The following HSPG2 variants were observed in gnomAD, a reference collection of about 807,000 sequenced individuals.
HSPG2 encodes the protein basement membrane-specific heparan sulfate proteoglycan core protein.
Under a neutral mutation model 526.6 loss-of-function variants are expected in HSPG2, and 278 were observed. The ratio of observed to expected loss-of-function variants is 0.53; its 90% CI spans 0.48 to 0.58. The LOEUF is 0.58. Among genes scored for constraint, HSPG2 ranks in the 20% least tolerant of loss-of-function variants. The pLI, the probability that HSPG2 is intolerant of heterozygous loss-of-function variation, is 0.00. For synonymous variants in HSPG2, 2,465 were observed against 2,555.4 expected (o/e 0.96, Z 1.07); for missense variants, 5,354 against 6,099.5 (o/e 0.88, Z 4.07).
chr1:21,891,006 G>A (rs1246566042), intron 3 of HSPG2, among the ~76,000 whole-genome samples: 1 of 152,272 alleles, frequency 6.6e-6, no homozygotes, highest in Admixed American at 6.5e-5. Context: ...GTGGCTCCCA[G>A]AGGGAGTTGG....
At chr1:21,930,720 G>A (rs116762220) in intron 1 of HSPG2, among the ~76,000 whole-genome samples, 9 of 151,770 alleles carry the variant, frequency 5.9e-5, no homozygotes, top group Non-Finnish European at 8.8e-5. Context: ...ATTGCAGTGC[G>A]GCGAGATCAT....
At chr1:21,868,654 C>T (rs1026664957) in intron 33 of HSPG2, among the ~76,000 whole-genome samples, 7 of 152,296 alleles carry the variant, frequency 4.6e-5, no homozygotes, top group Middle Eastern at 6.8e-3. Flanking sequence ...CGAGACAGCT[C>T]CTCTGACAGG....
At position 21,873,101 on chromosome 1, in the gene HSPG2, A is replaced by T. The variant is rs1414428251; in HGVS notation, c.3794-10T>A. The stretch of plus-strand genomic sequence containing the variant: ...GGCACCTGGCTGTCTCCTGAGGTGG[A>T]AGAAAGCCATGGCTGGAGCCCCAAA... On this transcript the variant is annotated splice_polypyrimidine_tract_variant and intron_variant, in intron 30 of 96. Coordinates refer to ENST00000374695, the MANE Select transcript of HSPG2 (RefSeq NM_005529.7). 14 of 1,597,474 alleles carry T rather than the reference A, an allele frequency of 8.8e-6. No individual in the cohort carries two copies. Among genetic ancestry groups the T allele is most frequent in the Non-Finnish European group, 1.1e-5 (13 of 1,177,588 alleles).
In HSPG2 at chr1:21,884,609, C is replaced by T; in HGVS notation, c.1573G>A (p.Gly525Ser). 2 of 1,611,128 alleles carry T rather than the reference C, an allele frequency of 1.2e-6. No individual in the cohort carries two copies. The highest frequency in any genetic ancestry group is 1.7e-6 in the Non-Finnish European group (2 of 1,179,794). ...SAACLPCFCF[G>S]ITSVCQSTRR... The stretch of plus-strand genomic sequence containing the variant: ...GTGCTCTGGCACACGCTGGTGATGC[C>T]AAAGCAGAAGCAGGGCAGGCAGGCG... The change falls in exon 13 of 97, where the codon GGC becomes AGC. Residue 525 changes from glycine (G) to serine (S), a missense_variant. Transcript: ENST00000374695.
Position 21,846,535 on chromosome 1 carries a change from G to A in HSPG2, c.8229C>T (p.Thr2743=), listed in dbSNP as rs778825320. 6.2e-7 allele frequency: 1 copy of A among 1,613,778 alleles called. No homozygotes were observed. The highest frequency in any genetic ancestry group is 8.5e-7 in the Non-Finnish European group (1 of 1,180,046). ...CGGGGACCACGCAGTTCAGATCCAG[G>A]GTCTCCCCTTCGGCCACGTGTGAGG... ...SSSSHVAEGE[T]LDLNCVVPGQ... is the part of the protein sequence containing the mutation. The change falls in exon 63 of 97, where the codon ACC becomes ACT. Residue 2743 remains threonine, a synonymous_variant. Coordinates refer to ENST00000374695, the MANE Select transcript of HSPG2 (RefSeq NM_005529.7).
At position 21,898,879 on chromosome 1, in the gene HSPG2, C is replaced by T. The variant is rs1023584137; in HGVS notation, c.64-2569G>A. On this transcript the variant is annotated intron_variant, in intron 1 of 96. Coordinates refer to ENST00000374695, the MANE Select transcript of HSPG2 (RefSeq NM_005529.7). This position sits in a 1 kb window ranked among gnomAD's most constrained non-coding sequence, Gnocchi z 4.0. ...CTGCCGTCTGGAAAGGAAAACCTAG[C>T]GGTGAATGATGAGCAAGGTCCAGAG... 1.3e-5 allele frequency among the ~76,000 whole-genome samples: 2 copies of T among 152,216 alleles called. No individual in the cohort carries two copies. The highest frequency in any genetic ancestry group is 1.5e-5 in the Non-Finnish European group (1 of 68,042).
Position 21,874,959 on chromosome 1 carries a change from C to T in HSPG2, c.3346G>A (p.Gly1116Ser), listed in dbSNP as rs751188209. 3.5e-5 allele frequency: 56 copies of T among 1,610,624 alleles called. No individual in the cohort carries two copies. The highest frequency in any genetic ancestry group is 1.6e-4 in the Middle Eastern group (1 of 6,082). The change falls in exon 26 of 97, where the codon GGC (glycine) becomes AGC (serine). Residue 1116 changes from glycine to serine, a missense_variant. Transcript: ENST00000374695. ...SMDVAVPEET[G>S]QDPALEVEQC... The stretch of plus-strand genomic sequence containing the variant: ...TCCACTTCCAGCGCGGGGTCCTGGC[C>T]GGTTTCCTCGGGCACAGCCACGTCC...
intron 1 of HSPG2, among the ~76,000 whole-genome samples, chr1:21,936,711 G>T (rs1456570105): frequency 6.6e-6 from 1 of 152,246 alleles, no homozygotes; most frequent in Non-Finnish European, 1.5e-5. Flanking sequence ...GATAGACGGT[G>T]TGGTAAAGTT....
At position 21,887,411 on chromosome 1, in the gene HSPG2, G is replaced by A. The variant is rs371807735; in HGVS notation, c.958+9C>T. Reference sequence around the variant, plus strand: ...CCCCGCACCCACCTGCACCCCTGCCGGTGCGCACCACAGTCTAGCTCATCG... The same window carrying A: ...CCCCGCACCCACCTGCACCCCTGCCAGTGCGCACCACAGTCTAGCTCATCG... On this transcript the variant is annotated intron_variant, in intron 8 of 96. Transcript: ENST00000374695. The surrounding 1 kb of genome is among the most constrained non-coding windows in gnomAD (Gnocchi z 5.0). 60 of 1,613,812 alleles carry A rather than the reference G, an allele frequency of 3.7e-5. No individual in the cohort carries two copies. The highest frequency in any genetic ancestry group is 1.7e-4 in the Middle Eastern group (1 of 6,054).
chr1:21,877,991 C>T (rs1283350659), intron 21 of HSPG2, among the ~76,000 whole-genome samples, 195 bp downstream of exon 21: 2 of 152,236 alleles, frequency 1.3e-5, no homozygotes, highest in Non-Finnish European at 2.9e-5. Flanking sequence ...CACCTGACTC[C>T]CTAACCAGTG....
chr1:21,843,617 G>A (rs2098058763), intron 65 of HSPG2, among the ~76,000 whole-genome samples, 179 bp from the exon 66 acceptor site: 1 of 152,156 alleles, frequency 6.6e-6, no homozygotes, highest in South Asian at 2.1e-4. Context: ...TCTCCGGCAG[G>A]AGGAAGTCAA....
intron 1 of HSPG2, among the ~76,000 whole-genome samples, chr1:21,921,089 G>A (rs925926876): frequency 6.6e-6 from 1 of 152,168 alleles, no homozygotes; most frequent in Non-Finnish European, 1.5e-5. Flanking sequence ...TATTAATTGT[G>A]AACTAAATAC....
Position 21,833,519 on chromosome 1 carries a change from G to C in HSPG2, c.10926C>G (p.Thr3642=). 2 of 1,614,132 alleles carry C rather than the reference G, an allele frequency of 1.2e-6. No homozygotes were observed. The highest frequency in any genetic ancestry group is 8.5e-7 in the Non-Finnish European group (1 of 1,180,004). ...TGACCTTGCCCTGGCGGTTAGTGGC[G>C]GTGCAGACGTAGGTACCTGCGTCCT... ...RPQDAGTYVC[T]ATNRQGKVKA... is the part of the protein sequence containing the mutation. The change falls in exon 79 of 97, where the codon ACC becomes ACG. Residue 3642 remains threonine, a synonymous_variant. Transcript: ENST00000374695.
chr1:21,841,997 C>A lies in HSPG2; in HGVS notation c.9193+5G>T. 1 of 1,613,116 alleles carries A rather than the reference C, an allele frequency of 6.2e-7. No individual in the cohort carries two copies. The highest frequency in any genetic ancestry group is 8.5e-7 in the Non-Finnish European group (1 of 1,180,020). The stretch of plus-strand genomic sequence containing the variant: ...CTTGCCCACCTGCCCACCAGCCTGG[C>A]TCACCCTCCAGCTCCTGGTTCCGGG... On this transcript the variant is annotated splice_donor_5th_base_variant and intron_variant, in intron 69 of 96. Transcript: ENST00000374695.
chr1:21,843,789 G>A (rs193086643), intron 65 of HSPG2, among the ~76,000 whole-genome samples: 3 of 152,280 alleles, frequency 2.0e-5, no homozygotes, highest in Non-Finnish European at 4.4e-5. Flanking sequence ...TGGGATTACA[G>A]GCATCTGCCA....
Position 21,873,927 on chromosome 1 carries a change from C to G in HSPG2, c.3741G>C (p.Glu1247Asp). 6.3e-7 allele frequency: 1 copy of G among 1,585,786 alleles called. No individual in the cohort carries two copies. Among genetic ancestry groups the G allele is most frequent in the East Asian group, 2.3e-5 (1 of 43,816 alleles). The change falls in exon 29 of 97, where the codon GAG (glutamate) becomes GAC (aspartate). Residue 1247 changes from glutamate to aspartate, a missense_variant and splice_region_variant. Physicochemically the swap from Glu to Asp is conservative, Grantham distance 45. Transcript: ENST00000374695. ...ACCCTCTCCACCCCCTGCCTCACCT[C>G]TCACAGTGACGCCCACTGTGGCCTG... is the stretch of plus-strand genomic sequence containing the variant. ...CSPGHSGRHC[E>D]RCAPGYYGNP...
rs765449853 is a variant in HSPG2 at position 21,876,637 on chromosome 1, G to A, written c.2701C>T (p.Arg901Cys). Reference protein sequence around the residue: ...ACRCKNNVVGRLCNECADGSF... With the variant: ...ACRCKNNVVGCLCNECADGSF... ...CCGTCAGCACATTCATTGCACAAGCGCCCCACCACATTGTTCTGCAGGCAC... is the reference window on the plus strand; with the variant it reads ...CCGTCAGCACATTCATTGCACAAGCACCCCACCACATTGTTCTGCAGGCAC... The change falls in exon 22 of 97, where the codon CGC (arginine) becomes TGC (cysteine). Residue 901 changes from arginine (R) to cysteine (C), a missense_variant. Physicochemically the swap from Arg to Cys is radical, Grantham distance 180 (BLOSUM62 -3). Transcript: ENST00000374695. 19 of 1,614,070 alleles carry A rather than the reference G, an allele frequency of 1.2e-5. No individual in the cohort carries two copies. The highest frequency in any genetic ancestry group is 9.3e-5 in the African/African-American group (7 of 74,928).
At position 21,831,288 on chromosome 1, in the gene HSPG2, A is replaced by G. The variant is rs749845367; in HGVS notation, c.11489T>C (p.Ile3830Thr). ...CGTGAGGTTGAGGTCATGGAAGACG[A>G]TCTCCTCGCCCTGGATGCGCAGCTC... Reference protein sequence around the residue: ...VRELRIQGEEIVFHDLNLTAH... With the variant: ...VRELRIQGEETVFHDLNLTAH... The change falls in exon 84 of 97, where the codon ATC (isoleucine) becomes ACC (threonine). Residue 3830 changes from isoleucine to threonine, a missense_variant. Coordinates refer to ENST00000374695, the MANE Select transcript of HSPG2 (RefSeq NM_005529.7). The G allele has an allele frequency of 1.9e-6, 3 of 1,614,014 alleles. No individual in the cohort carries two copies. Among genetic ancestry groups the G allele is most frequent in the East Asian group, 2.2e-5 (1 of 44,870 alleles).
Position 21,844,173 on chromosome 1 carries a change from C to T in HSPG2, c.8591G>A (p.Gly2864Glu). ...AHAQVTWHKR[G>E]GNLPARHQVH... Reference sequence around the variant, plus strand: ...CTGGTGCCGGGCAGGGAGGTTTCCTCCACGCTTGTGCCACGTGACCTGGGC... The same window carrying T: ...CTGGTGCCGGGCAGGGAGGTTTCCTTCACGCTTGTGCCACGTGACCTGGGC... The change falls in exon 65 of 97, where the codon GGA (glycine) becomes GAA (glutamate). Residue 2864 changes from glycine to glutamate, a missense_variant. Coordinates refer to ENST00000374695, the MANE Select transcript of HSPG2 (RefSeq NM_005529.7). 6.2e-7 allele frequency: 1 copy of T among 1,613,542 alleles called. No individual in the cohort carries two copies.
Sources: allele counts gnomAD v4.1 joint callset (sites outside exome capture counted in the v4.1 genomes callset), GRCh38; gene constraint gnomAD v4.1.1; non-coding constraint Gnocchi (gnomAD v3.1); transcripts MANE v1.5; gene names NCBI Gene and HGNC (gene_info 2026-07-23, HGNC 2026-07-21).